ABL1: variants seen among roughly 807,000 people sequenced by gnomAD.
The protein encoded by ABL1 is ABL proto-oncogene 1, non-receptor tyrosine kinase, also known as tyrosine-protein kinase ABL1.
Under a neutral mutation model 94.7 loss-of-function variants are expected in ABL1, and 11 were observed. That is an observed-to-expected ratio of 0.12 (90% confidence interval 0.07 to 0.19). The LOEUF (loss-of-function observed/expected upper bound fraction) is 0.19. ABL1 is among the 10% of genes least tolerant of loss of function. The pLI, the probability that ABL1 is intolerant of heterozygous loss-of-function variation, is 1.00. For missense variants in ABL1, 1,082 were observed against 1,489.4 expected (o/e 0.73, Z 4.50); for synonymous variants, 656 against 622.4 (o/e 1.05, Z -0.80).
intron 1 of ABL1, among the ~76,000 whole-genome samples, chr9:130,727,508 A>G (rs1452953563): frequency 6.6e-6 from 1 of 152,022 alleles, no homozygotes; most frequent in Non-Finnish European, 1.5e-5. Flanking sequence ...CACGCCTGTA[A>G]TCCCAGCAAT....
At chr9:130,800,563 A>G (rs752179722) in intron 1 of ABL1, among the ~76,000 whole-genome samples, 4 of 152,274 alleles carry the variant, frequency 2.6e-5, no homozygotes, top group Middle Eastern at 3.4e-3. Context: ...CTGGCCCCAG[A>G]CAAACACTTA....
intron 1 of ABL1, among the ~76,000 whole-genome samples, chr9:130,822,439 C>CTT (rs35922505): frequency 0.011 from 1,139 of 104,358 alleles, 44 homozygotes; most frequent in African/African-American, 0.039. Context: ...CCCGCCCCTG[C>CTT]TTTTTTTTTT....
intron 1 of ABL1, among the ~76,000 whole-genome samples, chr9:130,809,522 G>A (rs1830179182): frequency 6.6e-6 from 1 of 152,058 alleles, no homozygotes; most frequent in Admixed American, 6.6e-5. Flanking sequence ...TGCAGGGCGA[G>A]TCAGCAAGAT....
intron 1 of ABL1, among the ~76,000 whole-genome samples, chr9:130,768,830 A>G (rs528364566): frequency 3.9e-5 from 6 of 152,346 alleles, no homozygotes; most frequent in Non-Finnish European, 2.9e-5. Flanking sequence ...GGGAACAGCT[A>G]CATAATTGTG....
At chr9:130,824,291 G>A (rs1372488660) in intron 1 of ABL1, among the ~76,000 whole-genome samples, 1 of 152,176 alleles carries the variant, frequency 6.6e-6, no homozygotes, top group Non-Finnish European at 1.5e-5. Flanking sequence ...AGGGCTGAGG[G>A]CAGGAGAAGA....
In ABL1 at chr9:130,737,420, A is replaced by G. The variant is rs1831757609; in HGVS notation, c.136+22965A>G. ...ATAGCTGGGACTACACGTGTGCACT[A>G]CCACACCCAGCTAATTTTTGTATCT... On this transcript the variant is annotated intron_variant, in intron 1 of 10. Coordinates refer to the ABL1 transcript ENST00000372348. Among the ~76,000 whole-genome samples the G allele has an allele frequency of 2.0e-5, 3 of 151,640 alleles. No individual in the cohort carries two copies. In the South Asian group the frequency reaches 6.2e-4, roughly 32 times the overall value.
At chr9:130,779,846 C>T (rs559602579) in intron 1 of ABL1, among the ~76,000 whole-genome samples, 30 of 152,222 alleles carry the variant, frequency 2.0e-4, no homozygotes, top group African/African-American at 3.1e-4. Flanking sequence ...AGGGATACTG[C>T]GGGCAAACCT....
At chr9:130,796,879 C>T (rs1399809427) in intron 1 of ABL1, among the ~76,000 whole-genome samples, 2 of 141,428 alleles carry the variant, frequency 1.4e-5, no homozygotes, top group East Asian at 4.1e-4. Flanking sequence ...GAGATCACGC[C>T]ATTGCACTCC....
intron 1 of ABL1, among the ~76,000 whole-genome samples, chr9:130,841,012 T>G (rs879443207): frequency 2.6e-5 from 4 of 152,200 alleles, no homozygotes; most frequent in Non-Finnish European, 5.9e-5. Flanking sequence ...ATGGGTAGAA[T>G]CGTTACTCTG....
At position 130,795,300 on chromosome 9, in the gene ABL1, C is replaced by T. The variant is rs143345819; in HGVS notation, c.137-58764C>T. On this transcript the variant is annotated intron_variant, in intron 1 of 10. Coordinates refer to the ABL1 transcript ENST00000372348. ...AGATGGCACTGACCTTTCCTTAATA[C>T]AGCTGGTTTCACTTAATACATTTTG... Among the ~76,000 whole-genome samples, 202 of 152,300 alleles carry T rather than the reference C, an allele frequency of 1.3e-3. 2 individuals are homozygous for T. The highest frequency in any genetic ancestry group is 4.7e-3 in the African/African-American group (197 of 41,558).
intron 1 of ABL1, among the ~76,000 whole-genome samples, chr9:130,716,341 C>T (rs948820875): frequency 1.1e-4 from 17 of 152,142 alleles, no homozygotes; most frequent in Non-Finnish European, 2.2e-4. Flanking sequence ...AGGTGATCCA[C>T]CCACCTTGGC....
chr9:130,821,903 G>A (rs1487946872), intron 1 of ABL1, among the ~76,000 whole-genome samples: 1 of 149,686 alleles, frequency 6.7e-6, no homozygotes, highest in East Asian at 1.9e-4. Flanking sequence ...TGCAGTGCGC[G>A]ATCTCAGCTC....
intron 1 of ABL1, among the ~76,000 whole-genome samples, chr9:130,771,563 A>G (rs534436114): frequency 6.6e-6 from 1 of 152,272 alleles, no homozygotes; most frequent in Admixed American, 6.5e-5. Flanking sequence ...CTTGACAGGA[A>G]AAGAAAAAAT....
intron 1 of ABL1, among the ~76,000 whole-genome samples, chr9:130,728,526 C>A (rs912322380): frequency 6.6e-6 from 1 of 151,676 alleles, no homozygotes; most frequent in Non-Finnish European, 1.5e-5. Context: ...GCTGGGACTA[C>A]AGGCGCCTGC....
At chr9:130,820,157 C>T (rs2132875703) in intron 1 of ABL1, among the ~76,000 whole-genome samples, 1 of 152,182 alleles carries the variant, frequency 6.6e-6, no homozygotes, top group African/African-American at 2.4e-5. Context: ...AGACATTTTC[C>T]TACAGTAGAT....
At chr9:130,721,576 G>T (rs1239732641) in intron 1 of ABL1, among the ~76,000 whole-genome samples, 1 of 152,038 alleles carries the variant, frequency 6.6e-6, no homozygotes, top group Non-Finnish European at 1.5e-5. Flanking sequence ...TGGGCGTGGT[G>T]GTACACGCCT....
intron 1 of ABL1, among the ~76,000 whole-genome samples, chr9:130,842,765 G>A: frequency 6.6e-6 from 1 of 152,188 alleles, no homozygotes; most frequent in East Asian, 1.9e-4. Flanking sequence ...GTTGCAAATG[G>A]CCTGTGACAA....
intron 1 of ABL1, among the ~76,000 whole-genome samples, chr9:130,836,200 C>A (rs868420402): frequency 6.6e-6 from 1 of 152,158 alleles, no homozygotes; most frequent in Admixed American, 6.5e-5. Flanking sequence ...CCAAGGAGTC[C>A]CCCAGAGTAC....
intron 1 of ABL1, among the ~76,000 whole-genome samples, chr9:130,792,202 ACAC>A (rs1829917907): frequency 6.6e-6 from 1 of 152,116 alleles, no homozygotes; most frequent in Non-Finnish European, 1.5e-5. Flanking sequence ...TTCCCAGGAC[ACAC>A]CACCATTTAC....
Sources: gnomAD v4.1 joint callset for allele counts (sites outside exome capture counted in the v4.1 genomes callset) on GRCh38, gnomAD v4.1.1 for gene constraint, MANE v1.5 for transcripts, NCBI Gene and HGNC (gene_info 2026-07-23, HGNC 2026-07-21) for gene names.